The following RNF169 variants were observed in gnomAD, a reference collection of about 807,000 sequenced individuals.
RNF169 encodes E3 ubiquitin-protein ligase RNF169.
A neutral mutation model predicts 53.9 loss-of-function variants in RNF169; 24 were observed. The observed-to-expected ratio is 0.45, with a 90% CI of 0.32 to 0.63. The LOEUF (loss-of-function observed/expected upper bound fraction) is 0.63, where lower values mean the gene tolerates loss of function less well. Ranked by LOEUF, RNF169 falls within the 20% of genes least tolerant of loss-of-function variation. The pLI is 0.04. For synonymous variants in RNF169, 396 were observed against 363.5 expected, an observed-to-expected ratio of 1.09 and a Z score of -1.02; for missense variants, 883 against 906.2, an observed-to-expected ratio of 0.97 and a Z score of 0.33.
chr11:74,809,446 A>G (rs1006631078), intron 2 of RNF169, among the ~76,000 whole-genome samples: 3 of 152,208 alleles, frequency 2.0e-5, no homozygotes, highest in Non-Finnish European at 2.9e-5. Context: ...ACGGTCACCA[A>G]GGTTTTCATT....
chr11:74,834,724 C>A lies in RNF169; in HGVS notation c.891C>A (p.Ala297=). The A allele has an allele frequency of 6.2e-7, 1 of 1,613,766 alleles. No individual in the cohort carries two copies. The highest frequency in any genetic ancestry group is 8.5e-7 in the Non-Finnish European group (1 of 1,179,876). ...VERSQSCSDT[A]QERAKSRVRA... ...GGAGTCAGAGCTGTAGTGACACAGC[C>A]CAGGAAAGAGCGAAGAGCAGAGTCA... The change falls in exon 5 of 6, where the codon GCC becomes GCA. Residue 297 remains alanine, a synonymous_variant. Coordinates refer to ENST00000299563, the MANE Select transcript of RNF169 (RefSeq NM_001098638.2).
chr11:74,794,547 T>A (rs1198363092), intron 2 of RNF169, among the ~76,000 whole-genome samples: 1 of 152,156 alleles, frequency 6.6e-6, no homozygotes, highest in Non-Finnish European at 1.5e-5. Context: ...TGGGAGATAG[T>A]TTAGTTATGG....
intron 1 of RNF169, among the ~76,000 whole-genome samples, chr11:74,754,059 A>G (rs1315771632): frequency 6.6e-6 from 1 of 152,166 alleles, no homozygotes; most frequent in Non-Finnish European, 1.5e-5. Context: ...ATATATTGAC[A>G]TATTAAATAT....
At position 74,749,312 on chromosome 11, in the gene RNF169, C is replaced by T; in HGVS notation, c.432C>T (p.Arg144=). The change falls in exon 1 of 6, where the codon CGC becomes CGT. Residue 144 remains arginine (R), a synonymous_variant. Transcript: ENST00000299563. ...GCCAACCCGAGCGCTGCCGCCCGCGCCGGGACGGGGGCGCGGCTGCCGCGG... is the reference window on the plus strand; with the variant it reads ...GCCAACCCGAGCGCTGCCGCCCGCGTCGGGACGGGGGCGCGGCTGCCGCGG... ...RRSQPERCRP[R]RDGGAAAAGP... 8.4e-7 allele frequency: 1 copy of T among 1,187,668 alleles called. No individual in the cohort carries two copies. Among genetic ancestry groups the T allele is most frequent in the Non-Finnish European group, 1.0e-6 (1 of 960,758 alleles). 73.6% of individuals were successfully genotyped at this position (1,187,668 alleles called of 1,614,324 possible).
chr11:74,762,958 A>G (rs1011675653), intron 1 of RNF169, among the ~76,000 whole-genome samples: 3 of 152,178 alleles, frequency 2.0e-5, no homozygotes, highest in East Asian at 3.9e-4. Flanking sequence ...AGGAATCAGA[A>G]CTAAGATTTC....
At chr11:74,771,976 C>T (rs916452191) in intron 1 of RNF169, among the ~76,000 whole-genome samples, 1 of 152,142 alleles carries the variant, frequency 6.6e-6, no homozygotes, top group Non-Finnish European at 1.5e-5. Flanking sequence ...TATACAAATA[C>T]TAAAAAATCC....
At chr11:74,774,207 A>G (rs531608941) in intron 1 of RNF169, among the ~76,000 whole-genome samples, 1 of 152,148 alleles carries the variant, frequency 6.6e-6, no homozygotes, top group Non-Finnish European at 1.5e-5. Context: ...TTAGCCAGGC[A>G]TGGTGGCACA....
intron 3 of RNF169, among the ~76,000 whole-genome samples, chr11:74,816,287 G>A (rs1278130888): frequency 6.6e-6 from 1 of 152,132 alleles, no homozygotes; most frequent in South Asian, 2.1e-4. Context: ...TATCTACTAT[G>A]TAACAGTATT....
At chr11:74,755,218 T>C (rs1336958718) in intron 1 of RNF169, among the ~76,000 whole-genome samples, 3 of 152,228 alleles carry the variant, frequency 2.0e-5, no homozygotes, top group Non-Finnish European at 2.9e-5. Flanking sequence ...TGCTAAGATG[T>C]TTTTTAAAGC....
At position 74,836,669 on chromosome 11, in the gene RNF169, G is replaced by T; in HGVS notation, c.2066G>T (p.Arg689Leu). Residue 689 changes from arginine to leucine, a missense_variant, in exon 6 of 6, where the codon CGG becomes CTG. By Grantham distance (102) the Arg-to-Leu change is moderately radical. Transcript: ENST00000299563. ...GACAATGAGAGGCGGACTGTGAGCCGGCGAAAAGGAAGTGTGGATCAGTAT... is the reference window on the plus strand; with the variant it reads ...GACAATGAGAGGCGGACTGTGAGCCTGCGAAAAGGAAGTGTGGATCAGTAT... ...MFDNERRTVS[R>L]RKGSVDQYLL... The T allele has an allele frequency of 6.2e-7, 1 of 1,613,636 alleles. No homozygotes were observed. The highest frequency in any genetic ancestry group is 2.2e-5 in the East Asian group (1 of 44,884).
chr11:74,775,217 A>G (rs1456326128), intron 1 of RNF169, among the ~76,000 whole-genome samples: 1 of 151,816 alleles, frequency 6.6e-6, no homozygotes, highest in African/African-American at 2.4e-5. Context: ...GGAATGAGCT[A>G]AGTCAATGAA....
intron 4 of RNF169, among the ~76,000 whole-genome samples, chr11:74,833,332 G>C (rs995699979): frequency 6.6e-6 from 1 of 152,234 alleles, no homozygotes; most frequent in African/African-American, 2.4e-5. Flanking sequence ...CAAAAGAGTA[G>C]ATATGATGCG....
intron 1 of RNF169, among the ~76,000 whole-genome samples, chr11:74,774,419 ATAACT>A (rs1470263742): frequency 1.3e-5 from 2 of 152,084 alleles, no homozygotes; most frequent in Non-Finnish European, 2.9e-5. Flanking sequence ...TCCCAGATTG[ATAACT>A]TAAATAAGGC....
intron 3 of RNF169, among the ~76,000 whole-genome samples, chr11:74,814,907 T>C (rs2035923166): frequency 6.6e-6 from 1 of 152,190 alleles, no homozygotes; most frequent in Non-Finnish European, 1.5e-5. Flanking sequence ...CTTTTTAACA[T>C]TTTTGGTGTT....
chr11:74,785,369 T>C (rs2035485221), intron 1 of RNF169, among the ~76,000 whole-genome samples: 1 of 148,782 alleles, frequency 6.7e-6, no homozygotes, highest in Admixed American at 6.7e-5. Flanking sequence ...AGTTTTGACA[T>C]TTCTAAATAC....
In RNF169 at chr11:74,813,488, A is replaced by G. The variant is rs1312598665; in HGVS notation, c.723+3158A>G. On this transcript the variant is annotated intron_variant, in intron 3 of 5. Transcript: ENST00000299563. ...ACAATTGGATACAGCAGTTATGGTTATACTAAAGACTAGAAAACAAAAAGG... is the reference window on the plus strand; with the variant it reads ...ACAATTGGATACAGCAGTTATGGTTGTACTAAAGACTAGAAAACAAAAAGG... Among the ~76,000 whole-genome samples, 3 of 152,358 alleles carry G rather than the reference A, an allele frequency of 2.0e-5. No homozygotes were observed. In the East Asian group the frequency reaches 5.8e-4, roughly 29 times the overall value.
chr11:74,797,490 A>G (rs1283343857), intron 2 of RNF169, among the ~76,000 whole-genome samples: 1 of 152,200 alleles, frequency 6.6e-6, no homozygotes, highest in African/African-American at 2.4e-5. Context: ...ATTCGATTAT[A>G]AATCTTTCAA....
intron 2 of RNF169, among the ~76,000 whole-genome samples, chr11:74,807,285 G>A (rs1382410241): frequency 2.6e-5 from 4 of 152,118 alleles, no homozygotes; most frequent in Non-Finnish European, 5.9e-5. Flanking sequence ...GGATGTGGGA[G>A]CCAATAGATA....
intron 2 of RNF169, among the ~76,000 whole-genome samples, chr11:74,796,622 AG>A (rs907282584): frequency 1.3e-5 from 2 of 152,202 alleles, no homozygotes; most frequent in African/African-American, 4.8e-5. Flanking sequence ...CACATAATCC[AG>A]GATGGTCTTG....
Sources: allele counts gnomAD v4.1 joint callset (sites outside exome capture counted in the v4.1 genomes callset), GRCh38; gene constraint gnomAD v4.1.1; transcripts MANE v1.5; gene names NCBI Gene and HGNC (gene_info 2026-07-23, HGNC 2026-07-21).